The following NRXN1 variants were observed in gnomAD, a reference collection of about 807,000 sequenced individuals.
The protein encoded by NRXN1 is neurexin 1, also known as neurexin-1.
Under a neutral mutation model 150.9 loss-of-function variants are expected in NRXN1, and 39 were observed. The observed-to-expected ratio is 0.26, with a 90% CI of 0.20 to 0.34. The LOEUF (loss-of-function observed/expected upper bound fraction) is 0.34, where lower values mean the gene tolerates loss of function less well. NRXN1 is among the 10% of genes least tolerant of loss of function. The pLI, the probability that NRXN1 is intolerant of heterozygous loss-of-function variation, is 1.00. For missense variants in NRXN1, 1,815 were observed against 1,949.9 expected, an observed-to-expected ratio of 0.93 and a Z score of 1.30; for synonymous variants, 924 against 757.0, an observed-to-expected ratio of 1.22 and a Z score of -3.62.
chr2:50,263,094 A>G (rs2068465105), intron 17 of NRXN1, among the ~76,000 whole-genome samples: 1 of 151,698 alleles, frequency 6.6e-6, no homozygotes, highest in African/African-American at 2.4e-5. Flanking sequence ...CTTTTTCTTT[A>G]AAGCACTAAT....
intron 2 of NRXN1, among the ~76,000 whole-genome samples, chr2:50,965,605 A>C (rs533386948): frequency 6.6e-6 from 1 of 151,652 alleles, no homozygotes; most frequent in Non-Finnish European, 1.5e-5. Context: ...GGTTTTTAAA[A>C]GTTTTGCTTT....
In NRXN1 at chr2:50,472,452, T is replaced by C. The variant is rs201886024; in HGVS notation, c.3090A>G (p.Gly1030=). Residue 1030 remains glycine (G), a synonymous_variant, in exon 16 of 23, where the codon GGA becomes GGG. Coordinates refer to ENST00000401669, the MANE Select transcript of NRXN1 (RefSeq NM_001330078.2). ...AGGATTTGTATGTTTCTTTAGCTAC[T>C]CCTCCTATATATAAGTCACCTGCAA... The part of the protein sequence containing the change: ...LDLKSDLYIG[G]VAKETYKSLP... 6.2e-7 allele frequency: 1 copy of C among 1,611,804 alleles called. No homozygotes were observed. The highest frequency in any genetic ancestry group is 1.7e-5 in the Admixed American group (1 of 59,790).
chr2:50,659,200 A>G (rs1010156789), intron 5 of NRXN1, among the ~76,000 whole-genome samples: 2 of 152,090 alleles, frequency 1.3e-5, no homozygotes, highest in South Asian at 2.1e-4. Flanking sequence ...CCATTCCACT[A>G]TAAGTATATA....
chr2:50,029,795 A>G (rs144516947), intron 21 of NRXN1, among the ~76,000 whole-genome samples: 93 of 152,238 alleles, frequency 6.1e-4, no homozygotes, highest in Non-Finnish European at 1.1e-3. Context: ...AGGTTTCACC[A>G]CTTGTCAACT....
rs200581786 is a variant in NRXN1, at chr2:50,506,634, A to G, written c.2375-17T>C. 3 of 1,612,256 alleles carry G rather than the reference A, an allele frequency of 1.9e-6. No homozygotes were observed. Among genetic ancestry groups the G allele is most frequent in the African/African-American group, 1.3e-5 (1 of 74,872 alleles). ...GACCTTTGCCTGTAGAATATGCCAA[A>G]CAGTCATTATGGACACTCAGAATCA... On this transcript the variant is annotated splice_polypyrimidine_tract_variant and intron_variant, in intron 12 of 22. Coordinates refer to ENST00000401669, the MANE Select transcript of NRXN1 (RefSeq NM_001330078.2).
intron 5 of NRXN1, among the ~76,000 whole-genome samples, chr2:50,658,678 C>T (rs942021719): frequency 6.6e-6 from 1 of 151,798 alleles, no homozygotes; most frequent in African/African-American, 2.4e-5. Context: ...GAGACTTTCC[C>T]GCTGCCTCCT....
chr2:50,278,241 A>ATTATATATATGTATTATATATATT (rs1357337957), intron 17 of NRXN1, among the ~76,000 whole-genome samples: 11 of 122,624 alleles, frequency 9.0e-5, no homozygotes, highest in East Asian at 6.4e-4. Context: ...ATATATATAT[A>ATTATATATATGTATTATATATATT]ATATATATAT....
At chr2:50,932,078 C>T (rs2104401130) in intron 2 of NRXN1, among the ~76,000 whole-genome samples, 1 of 151,958 alleles carries the variant, frequency 6.6e-6, no homozygotes, top group East Asian at 2.0e-4. Context: ...TGGCCAGGTG[C>T]CTGGCCAAAA....
chr2:50,254,303 CTTTTT>C (rs3080643), intron 17 of NRXN1, among the ~76,000 whole-genome samples: 2 of 149,430 alleles, frequency 1.3e-5, no homozygotes, highest in Admixed American at 1.3e-4. Flanking sequence ...ATTATTTTCT[CTTTTT>C]TTTTATTAGT....
intron 8 of NRXN1, among the ~76,000 whole-genome samples, chr2:50,576,535 G>A (rs186610128): frequency 1.7e-4 from 26 of 151,956 alleles, no homozygotes; most frequent in African/African-American, 6.0e-4. Context: ...AAATAGCTTT[G>A]ATTTTAAGCT....
intron 5 of NRXN1, among the ~76,000 whole-genome samples, chr2:50,816,794 T>C (rs1669002280): frequency 6.6e-6 from 1 of 152,138 alleles, no homozygotes; most frequent in Non-Finnish European, 1.5e-5. Context: ...AGTAGAACTT[T>C]TGTTGAGTCA....
chr2:50,083,918 T>TGGCTTCACC, intron 19 of NRXN1, among the ~76,000 whole-genome samples: 1 of 151,918 alleles, frequency 6.6e-6, no homozygotes, highest in South Asian at 2.1e-4. Flanking sequence ...CCGCACCAGA[T>TGGCTTCACC]CAGCTAGACA....
intron 2 of NRXN1, among the ~76,000 whole-genome samples, chr2:50,951,594 C>T (rs1691344829): frequency 6.6e-6 from 1 of 151,830 alleles, no homozygotes; most frequent in Non-Finnish European, 1.5e-5. Context: ...GAATTCCTCA[C>T]TATTTCAAAA....
At chr2:50,682,238 G>A (rs1053120018) in intron 5 of NRXN1, among the ~76,000 whole-genome samples, 8 of 152,120 alleles carry the variant, frequency 5.3e-5, no homozygotes, top group African/African-American at 1.7e-4. Flanking sequence ...TTACCCAGAC[G>A]GAAGATGATG....
chr2:50,827,086 T>C (rs191643141), intron 5 of NRXN1, among the ~76,000 whole-genome samples: 144 of 152,280 alleles, frequency 9.5e-4, no homozygotes, highest in Non-Finnish European at 1.3e-3. Context: ...TTGCTACCGC[T>C]GAGTAAAAAA....
At position 50,497,668 on chromosome 2, in the gene NRXN1, C is replaced by G; in HGVS notation, c.2544G>C (p.Glu848Asp). Residue 848 changes from glutamate (E) to aspartate (D), a missense_variant, in exon 14 of 23, where the codon GAG (glutamate) becomes GAC (aspartate). Physicochemically the swap from Glu to Asp is conservative, Grantham distance 45. Transcript: ENST00000401669. ...DHTRLEFHNI[E>D]TGIITERRYL... ...ACCGTCGTTCTGTGATGATGCCAGT[C>G]TCTATGTTATGGAACTCCAGCCTAG... 6.2e-7 allele frequency: 1 copy of G among 1,613,804 alleles called. No individual in the cohort carries two copies. Among genetic ancestry groups the G allele is most frequent in the Non-Finnish European group, 8.5e-7 (1 of 1,179,758 alleles).
chr2:50,915,524 A>G (rs6743956), intron 5 of NRXN1, among the ~76,000 whole-genome samples: 13,412 of 151,654 alleles, frequency 0.088, 659 homozygotes, highest in South Asian at 0.12. Flanking sequence ...AGAGTAACAG[A>G]TATCTAAATA....
intron 17 of NRXN1, among the ~76,000 whole-genome samples, chr2:50,351,676 GCA>G (rs1479828461): frequency 6.6e-6 from 1 of 152,016 alleles, no homozygotes; most frequent in Non-Finnish European, 1.5e-5. Context: ...CTTATTTCTA[GCA>G]CACTACTCTG....
chr2:50,856,482 G>C (rs1675291175), intron 5 of NRXN1, among the ~76,000 whole-genome samples: 1 of 151,894 alleles, frequency 6.6e-6, no homozygotes, highest in Non-Finnish European at 1.5e-5. Context: ...TTCTATCAGA[G>C]CAAGTCCAAG....
Sources: gnomAD v4.1 joint callset for allele counts (sites outside exome capture counted in the v4.1 genomes callset) on GRCh38, gnomAD v4.1.1 for gene constraint, MANE v1.5 for transcripts, NCBI Gene and HGNC (gene_info 2026-07-23, HGNC 2026-07-21) for gene names.